The following NMD3 variants were observed in gnomAD, a reference collection of about 807,000 sequenced individuals.
The protein encoded by NMD3 is NMD3 ribosome export adaptor, also known as 60S ribosomal export protein NMD3.
Under a neutral mutation model 73.1 loss-of-function variants are expected in NMD3, and 47 were observed. The observed-to-expected ratio is 0.64, with a 90% CI of 0.51 to 0.82. The LOEUF (loss-of-function observed/expected upper bound fraction) is 0.82. NMD3 is among the 40% of genes least tolerant of loss of function. NMD3 has a pLI of 0.00. For synonymous variants in NMD3, 210 were observed against 194.5 expected, an observed-to-expected ratio of 1.08 and a Z score of -0.66; for missense variants, 554 against 612.5, an observed-to-expected ratio of 0.90 and a Z score of 1.01.
At chr3:161,225,817 T>A (rs1372037047) in intron 3 of NMD3, among the ~76,000 whole-genome samples, 1 of 152,098 alleles carries the variant, frequency 6.6e-6, no homozygotes, top group African/African-American at 2.4e-5. Flanking sequence ...TACATACATG[T>A]ATATATATGT....
intron 13 of NMD3, among the ~76,000 whole-genome samples, chr3:161,248,084 C>A (rs1306476779): frequency 1.3e-5 from 2 of 152,016 alleles, no homozygotes; most frequent in African/African-American, 4.8e-5. Context: ...TCATGCCTGG[C>A]TTCATTTTAA....
At chr3:161,239,533 G>A (rs1736890740) in intron 9 of NMD3, among the ~76,000 whole-genome samples, 1 of 152,142 alleles carries the variant, frequency 6.6e-6, no homozygotes, top group Admixed American at 6.6e-5. Context: ...ATACTTTAGT[G>A]TCTTTCACCT....
chr3:161,248,804 T>G (rs1422566866), intron 13 of NMD3, among the ~76,000 whole-genome samples: 1 of 152,146 alleles, frequency 6.6e-6, no homozygotes, highest in African/African-American at 2.4e-5. Context: ...AGAATAAACA[T>G]TGATTTCTTT....
intron 2 of NMD3, among the ~76,000 whole-genome samples, chr3:161,224,416 A>G (rs572502987): frequency 6.6e-6 from 1 of 152,206 alleles, no homozygotes; most frequent in South Asian, 2.1e-4. Flanking sequence ...AATTATAGCC[A>G]TTTTTGGTGT....
Position 161,242,767 on chromosome 3 carries a change from GCAC to G in NMD3, c.1017+118_1017+120del, listed in dbSNP as rs1468108262. The G allele has an allele frequency of 4.0e-5, 34 of 856,440 alleles. 1 individual carries two copies. The highest frequency in any genetic ancestry group is 5.7e-5 in the Admixed American group (2 of 35,174). 53.1% of individuals were successfully genotyped at this position (856,440 alleles called of 1,614,324 possible). On this transcript the variant is annotated intron_variant, in intron 11 of 15. Coordinates refer to ENST00000351193, the MANE Select transcript of NMD3 (RefSeq NM_015938.5). ...TTCCACAGTATGGAATCCAAACTTA[GCAC>G]CACATTAGGAAAAAAATTCTTTTTT...
intron 11 of NMD3, among the ~76,000 whole-genome samples, chr3:161,243,180 T>G (rs544708671): frequency 6.6e-6 from 1 of 152,184 alleles, no homozygotes; most frequent in African/African-American, 2.4e-5. Context: ...TCTATGTGTA[T>G]TGTTTTTTCC....
chr3:161,237,694 C>T (rs1431338780), intron 7 of NMD3, among the ~76,000 whole-genome samples: 3 of 151,946 alleles, frequency 2.0e-5, no homozygotes, highest in Admixed American at 6.6e-5. Flanking sequence ...CATGCCACCA[C>T]GTCCGGCTAA....
chr3:161,228,225 A>C (rs1289029034), intron 4 of NMD3, among the ~76,000 whole-genome samples: 7 of 152,138 alleles, frequency 4.6e-5, no homozygotes, highest in Admixed American at 4.6e-4. Flanking sequence ...TTCTCCTTTA[A>C]GCTCTAATAA....
chr3:161,236,901 C>T (rs1047091234), intron 7 of NMD3, among the ~76,000 whole-genome samples: 2 of 152,136 alleles, frequency 1.3e-5, no homozygotes, highest in Non-Finnish European at 2.9e-5. Context: ...AGTCTGCTCC[C>T]ATTGATCTAT....
chr3:161,237,522 T>C (rs1484282609), intron 7 of NMD3, among the ~76,000 whole-genome samples: 1 of 150,288 alleles, frequency 6.7e-6, no homozygotes, highest in African/African-American at 2.4e-5. Context: ...TTCCATTTAT[T>C]ACATAAAATA....
At chr3:161,248,685 A>G (rs565171840) in intron 13 of NMD3, among the ~76,000 whole-genome samples, 11 of 152,200 alleles carry the variant, frequency 7.2e-5, no homozygotes, top group Admixed American at 6.5e-5. Context: ...GAAAAAAACT[A>G]TTAATTCTGA....
rs778874579 is a variant in NMD3 at position 161,249,496 on chromosome 3, C to T, written c.1246C>T (p.Arg416Cys). The change falls in exon 14 of 16, where the codon CGT becomes TGT. Residue 416 changes from arginine to cysteine, a missense_variant. Transcript: ENST00000351193. ...CTATGACCGGACCAAACGTCAGCGT[C>T]GTAGAAACTGGAAATTGAAAGAGCT... ...KSYDRTKRQR[R>C]RNWKLKELAR... 56 of 1,612,398 alleles carry T rather than the reference C, an allele frequency of 3.5e-5. No homozygotes were observed. Among genetic ancestry groups the T allele is most frequent in the South Asian group, 2.9e-4 (26 of 90,974 alleles).
At chr3:161,229,357 T>G (rs568396622) in intron 4 of NMD3, among the ~76,000 whole-genome samples, 1 of 152,306 alleles carries the variant, frequency 6.6e-6, no homozygotes, top group South Asian at 2.1e-4. Context: ...ATGGAGGTGG[T>G]AAGAAGTGGA....
chr3:161,247,452 G>T, intron 13 of NMD3, 122 bp downstream of exon 13: 2 of 563,820 alleles, frequency 3.5e-6, no homozygotes, highest in Non-Finnish European at 3.1e-6. Context: ...TTCTGAAACT[G>T]CAGATAAGGT....
intron 7 of NMD3, among the ~76,000 whole-genome samples, chr3:161,236,328 C>T (rs989696478): frequency 1.3e-5 from 2 of 152,146 alleles, no homozygotes; most frequent in Admixed American, 6.5e-5. Flanking sequence ...CAATATTTCT[C>T]TGTATCCTCC....
chr3:161,230,561 T>A (rs6762645), intron 4 of NMD3, among the ~76,000 whole-genome samples: 2 of 151,998 alleles, frequency 1.3e-5, no homozygotes, highest in Non-Finnish European at 2.9e-5. Flanking sequence ...GTGGCCTCAA[T>A]AAGTGGAAAA....
intron 4 of NMD3, among the ~76,000 whole-genome samples, chr3:161,232,163 C>T (rs1415198840): frequency 7.3e-6 from 1 of 136,920 alleles, no homozygotes; most frequent in African/African-American, 2.8e-5. Context: ...TTTTTAACCA[C>T]TGCTGATGGA....
chr3:161,236,270 A>G (rs1736754829), intron 7 of NMD3, among the ~76,000 whole-genome samples: 1 of 152,084 alleles, frequency 6.6e-6, no homozygotes, highest in East Asian at 1.9e-4. Context: ...TATATAAAAA[A>G]CTACCAAACT....
intron 6 of NMD3, 74 bp downstream of exon 6, chr3:161,234,929 C>G (rs1736696678): frequency 6.7e-7 from 1 of 1,502,898 alleles, no homozygotes. Flanking sequence ...TTCCTTCTTT[C>G]TAAATCCAGG....
Sources: allele counts gnomAD v4.1 joint callset (sites outside exome capture counted in the v4.1 genomes callset), GRCh38; gene constraint gnomAD v4.1.1; transcripts MANE v1.5; gene names NCBI Gene and HGNC (gene_info 2026-07-23, HGNC 2026-07-21).